PCDH15: variants seen among roughly 807,000 people sequenced by gnomAD.
PCDH15 encodes protocadherin-15.
Under a neutral mutation model 178.5 loss-of-function variants are expected in PCDH15, and 129 were observed. The ratio of observed to expected loss-of-function variants is 0.72; its 90% CI spans 0.63 to 0.84. The LOEUF is 0.84. Ranked by LOEUF, PCDH15 falls within the 40% of genes least tolerant of loss-of-function variation. The probability of loss-of-function intolerance (pLI) is 0.00; values close to 1 mark genes in which losing one functional copy is unlikely to be tolerated. For synonymous variants in PCDH15, 800 were observed against 732.0 expected, an observed-to-expected ratio of 1.09 and a Z score of -1.50; for missense variants, 2,230 against 2,099.9, an observed-to-expected ratio of 1.06 and a Z score of -1.21.
chr10:54,029,397 G>A (rs905789497), intron 18 of PCDH15, among the ~76,000 whole-genome samples: 7 of 152,178 alleles, frequency 4.6e-5, no homozygotes, highest in African/African-American at 1.7e-4. Flanking sequence ...AACAGTAATA[G>A]CTGCAACTTT....
intron 15 of PCDH15, among the ~76,000 whole-genome samples, chr10:54,119,211 A>G (rs2095171267): frequency 6.6e-6 from 1 of 152,188 alleles, no homozygotes; most frequent in Non-Finnish European, 1.5e-5. Flanking sequence ...AAATTCAATA[A>G]GATCCAAAAC....
At chr10:55,148,166 C>A (rs926371908) in intron 2 of PCDH15, among the ~76,000 whole-genome samples, 2 of 151,828 alleles carry the variant, frequency 1.3e-5, no homozygotes, top group African/African-American at 2.4e-5. Context: ...TACTTAATAT[C>A]CCCTGTTTCT....
intron 1 of PCDH15, among the ~76,000 whole-genome samples, chr10:55,267,508 T>C (rs1842330938): frequency 6.6e-6 from 1 of 152,218 alleles, no homozygotes; most frequent in African/African-American, 2.4e-5. Flanking sequence ...TTTTATCAAC[T>C]TTTTATTTCA....
chr10:54,153,818 T>C (rs940510303), intron 13 of PCDH15, among the ~76,000 whole-genome samples: 3 of 152,128 alleles, frequency 2.0e-5, no homozygotes, highest in African/African-American at 7.2e-5. Flanking sequence ...TTGTTTACAA[T>C]TGCTCTAGGA....
chr10:55,584,066 T>G (rs1842676605), intron 2 of PCDH15, among the ~76,000 whole-genome samples: 1 of 152,046 alleles, frequency 6.6e-6, no homozygotes, highest in Non-Finnish European at 1.5e-5. Flanking sequence ...ATATATTTTG[T>G]AGATATGAGG....
intron 2 of PCDH15, among the ~76,000 whole-genome samples, chr10:54,598,485 G>A (rs930388244): frequency 1.3e-5 from 2 of 151,934 alleles, no homozygotes; most frequent in Non-Finnish European, 2.9e-5. Flanking sequence ...AAAATAATAA[G>A]AGCCATATAT....
rs908161265 is a variant in PCDH15, at chr10:54,336,658, T to C, written c.595-6952A>G. ...CTAGATTTCAGAGGATGTATGGAAA[T>C]GCCTGGATGTCCAGACAAAAGTTTG... is the stretch of plus-strand genomic sequence containing the variant. On this transcript the variant is annotated intron_variant, in intron 6 of 37. Transcript: ENST00000644397. 5.9e-5 allele frequency among the ~76,000 whole-genome samples: 9 copies of C among 152,298 alleles called. No individual in the cohort carries two copies. The South Asian group carries it at 1.9e-3, about 32-fold the overall frequency.
rs1941343383 is a variant in PCDH15, at chr10:54,337,144, C to T, written c.595-7438G>A. The stretch of plus-strand genomic sequence containing the variant: ...TATATATTCATACCCAATGCCTGTA[C>T]CCCCATTTTATCTAGGAAGTAACTA... On this transcript the variant is annotated intron_variant, in intron 6 of 37. Coordinates refer to ENST00000644397, the MANE Select transcript of PCDH15 (RefSeq NM_001384140.1). Among the ~76,000 whole-genome samples, 5 of 151,820 alleles carry T rather than the reference C, an allele frequency of 3.3e-5. 1 individual carries two copies. The South Asian group carries it at 1.0e-3, about 32-fold the overall frequency.
chr10:55,519,557 T>C (rs989608352), intron 2 of PCDH15, among the ~76,000 whole-genome samples: 4 of 152,122 alleles, frequency 2.6e-5, no homozygotes, highest in African/African-American at 9.7e-5. Flanking sequence ...GATGTTACTA[T>C]GGCGAAAACT....
intron 3 of PCDH15, among the ~76,000 whole-genome samples, chr10:54,401,347 T>C (rs1369596360): frequency 1.3e-5 from 2 of 151,878 alleles, no homozygotes; most frequent in Non-Finnish European, 2.9e-5. Flanking sequence ...AGCAAAGTTA[T>C]GCTGTTGTAG....
rs577752533 is a variant in PCDH15, at chr10:54,240,724, C to CTG, written c.877-3794_877-3793insCA. The stretch of plus-strand genomic sequence containing the variant: ...CCGGCTCACTGCAAGCTCCGCCTCC[C>CTG]GGGTTCACGCCATTCTCCTGCCTCA... On this transcript the variant is annotated intron_variant, in intron 8 of 37. Coordinates refer to ENST00000644397, the MANE Select transcript of PCDH15 (RefSeq NM_001384140.1). Among the ~76,000 whole-genome samples the CTG allele has an allele frequency of 8.0e-3, 1,207 of 150,632 alleles. 9 individuals carry two copies. The highest frequency in any genetic ancestry group is 0.026 in the African/African-American group (1,049 of 40,978).
At chr10:54,703,249 T>C (rs180676497) in intron 1 of PCDH15, among the ~76,000 whole-genome samples, 139 of 152,166 alleles carry the variant, frequency 9.1e-4, no homozygotes, top group Non-Finnish European at 1.6e-3. Context: ...GAGCCGTCTA[T>C]GACAAACCCA....
chr10:54,808,251 T>C (rs1391480839), intron 3 of PCDH15, among the ~76,000 whole-genome samples: 1 of 152,248 alleles, frequency 6.6e-6, no homozygotes, highest in East Asian at 1.9e-4. Flanking sequence ...TTATTCTGTC[T>C]GTCATTCTTT....
intron 2 of PCDH15, among the ~76,000 whole-genome samples, chr10:54,650,864 G>C (rs1590829890): frequency 6.6e-6 from 1 of 152,094 alleles, no homozygotes; most frequent in African/African-American, 2.4e-5. Flanking sequence ...CCCTCCTAGA[G>C]CACATGGGAA....
chr10:54,876,449 T>C (rs921389207), intron 3 of PCDH15, among the ~76,000 whole-genome samples: 2 of 152,138 alleles, frequency 1.3e-5, no homozygotes, highest in African/African-American at 4.8e-5. Flanking sequence ...CCATAGATAG[T>C]GATTCTTACA....
chr10:54,128,477 C>A (rs1590661461), intron 15 of PCDH15, among the ~76,000 whole-genome samples: 1 of 152,108 alleles, frequency 6.6e-6, no homozygotes, highest in East Asian at 1.9e-4. Flanking sequence ...TGTACTGACT[C>A]AAATCTAAGC....
chr10:54,094,927 A>C (rs2094672845), intron 15 of PCDH15, among the ~76,000 whole-genome samples: 1 of 152,198 alleles, frequency 6.6e-6, no homozygotes. Flanking sequence ...CAGTGTTCTT[A>C]GACACTGGCA....
intron 18 of PCDH15, among the ~76,000 whole-genome samples, chr10:54,058,924 C>T (rs905765416): frequency 1.3e-5 from 2 of 152,044 alleles, no homozygotes; most frequent in African/African-American, 4.8e-5. Flanking sequence ...AAACTCCCGA[C>T]CTCAGATGAT....
At chr10:54,365,215 T>C (rs896655280) in intron 5 of PCDH15, among the ~76,000 whole-genome samples, 2 of 152,154 alleles carry the variant, frequency 1.3e-5, no homozygotes, top group Admixed American at 6.6e-5. Flanking sequence ...ATTCAAATTA[T>C]ATGACCTCCC....
Sources: gnomAD v4.1 joint callset for allele counts (sites outside exome capture counted in the v4.1 genomes callset) on GRCh38, gnomAD v4.1.1 for gene constraint, MANE v1.5 for transcripts, NCBI Gene and HGNC (gene_info 2026-07-23, HGNC 2026-07-21) for gene names.